The following MBP variants were observed in gnomAD, a reference collection of about 807,000 sequenced individuals.
MBP encodes Golli-MBP.
A neutral mutation model predicts 35.8 loss-of-function variants in MBP; 16 were observed. The observed-to-expected ratio is 0.45, with a 90% CI of 0.30 to 0.68. The LOEUF is 0.68. Ranked by LOEUF, MBP falls within the 30% of genes least tolerant of loss-of-function variation. MBP has a pLI of 0.08. For missense variants in MBP, 380 were observed against 404.7 expected (o/e 0.94, Z 0.52); for synonymous variants, 143 against 159.6 (o/e 0.90, Z 0.78).
chr18:77,014,080 AAC>A (rs764628933), intron 4 of MBP: 392 of 985,368 alleles, frequency 4.0e-4, no homozygotes, highest in Non-Finnish European at 4.6e-4. Flanking sequence ...TAAAGGCAAC[AAC>A]AGTCCTTTCT....
At chr18:77,114,702 G>A (rs757569905) in intron 1 of MBP, 3 of 152,330 alleles carry the variant, frequency 2.0e-5, no homozygotes, top group Non-Finnish European at 4.4e-5. Flanking sequence ...GCAGGCACAC[G>A]TGACACGCCC....
At chr18:77,015,837 C>T in intron 4 of MBP, 1 of 985,424 alleles carries the variant, frequency 1.0e-6, no homozygotes, top group Non-Finnish European at 1.2e-6. Context: ...GCGCTCTGTT[C>T]CACACTTTAT....
chr18:76,999,256 G>A (rs1379017182), intron 4 of MBP, among the ~76,000 whole-genome samples: 1 of 152,108 alleles, frequency 6.6e-6, no homozygotes, highest in African/African-American at 2.4e-5. Flanking sequence ...CGCTGAAGCG[G>A]GTGGCGCACC....
At chr18:77,072,404 C>T (rs973598824) in intron 2 of MBP, among the ~76,000 whole-genome samples, 5 of 152,118 alleles carry the variant, frequency 3.3e-5, no homozygotes, top group Admixed American at 1.3e-4. Context: ...AACACATGTA[C>T]GTCGTATCAA....
rs527679478 is a variant in MBP, at chr18:77,129,571, G to A, written c.-26+3009C>T. Among the ~76,000 whole-genome samples, 39 of 152,340 alleles carry A rather than the reference G, an allele frequency of 2.6e-4. No homozygotes were observed. In the South Asian group the frequency reaches 8.1e-3, roughly 32 times the overall value. On this transcript the variant is annotated intron_variant, in intron 1 of 8. Coordinates refer to ENST00000355994, the MANE Select transcript of MBP (RefSeq NM_001025101.2). Reference sequence around the variant, plus strand: ...TTTTGACAGAGATTTAAAATCTCCTGTAGAGACTATTCCAGCTACTCGCCT... The same window carrying A: ...TTTTGACAGAGATTTAAAATCTCCTATAGAGACTATTCCAGCTACTCGCCT...
intron 4 of MBP, among the ~76,000 whole-genome samples, chr18:76,995,490 C>T (rs1015842852): frequency 6.6e-5 from 10 of 152,128 alleles, no homozygotes; most frequent in African/African-American, 2.4e-4. Flanking sequence ...AGGACAGGCA[C>T]CTAGATTAAT....
chr18:77,131,214 C>A lies in MBP; in HGVS notation c.-26+1366G>T, dbSNP rs971388517. ...CCGTGACCACAGCCCCGGCCCCAAC[C>A]GCTAAGGAGGTGCTCATCACTGGAG... On this transcript the variant is annotated intron_variant, in intron 1 of 8. Transcript: ENST00000355994. This position sits in a 1 kb window ranked among gnomAD's most constrained non-coding sequence, Gnocchi z 5.5. Among the ~76,000 whole-genome samples, 1 of 152,096 alleles carries A rather than the reference C, an allele frequency of 6.6e-6. No homozygotes were observed. Among genetic ancestry groups the A allele is most frequent in the Admixed American group, 6.6e-5 (1 of 15,266 alleles).
At chr18:77,126,173 C>T (rs1299373582) in intron 1 of MBP, among the ~76,000 whole-genome samples, 1 of 152,076 alleles carries the variant, frequency 6.6e-6, no homozygotes, top group Non-Finnish European at 1.5e-5. Flanking sequence ...AAGTCCTCAA[C>T]AAAATATTAG....
chr18:76,991,755 C>T (rs470453), intron 4 of MBP, among the ~76,000 whole-genome samples: 27,787 of 152,050 alleles, frequency 0.18, 2,599 homozygotes, highest in East Asian at 0.34. Flanking sequence ...GCCCCGTCGA[C>T]ACAGAACGCA....
At chr18:76,985,741 C>T in intron 7 of MBP, 1 of 1,004,682 alleles carries the variant, frequency 1.0e-6, no homozygotes, top group Non-Finnish European at 1.2e-6. Context: ...GCAGGAACCT[C>T]TCTGAGCTTC....
intron 4 of MBP, among the ~76,000 whole-genome samples, chr18:76,994,406 A>T (rs542106201): frequency 2.6e-4 from 40 of 152,282 alleles, no homozygotes; most frequent in Middle Eastern, 3.4e-3. Flanking sequence ...TAAAGAAAAA[A>T]CTTAGGGTTA....
In MBP at chr18:77,017,140, G is replaced by C; in HGVS notation, c.268C>G (p.His90Asp). The change falls in exon 4 of 9, where the codon CAC (histidine) becomes GAC (aspartate). Residue 90 changes from histidine (H) to aspartate (D), a missense_variant. Coordinates refer to ENST00000355994, the MANE Select transcript of MBP (RefSeq NM_001025101.2). ...AHPADPGSRPHLIRLFSRDAP... is the reference protein window; with the variant it reads ...AHPADPGSRPDLIRLFSRDAP... ...TCTCGGGAAAAGAGGCGGATCAAGT[G>C]GGGGCGGCTCCCTGGGTCAGCTGGG... The C allele has an allele frequency of 6.4e-7, 1 of 1,573,494 alleles. No homozygotes were observed. The highest frequency in any genetic ancestry group is 1.2e-5 in the South Asian group (1 of 85,224).
intron 4 of MBP, chr18:77,016,545 T>A (rs1971650102): frequency 1.6e-6 from 2 of 1,277,120 alleles, no homozygotes; most frequent in African/African-American, 1.5e-5. Context: ...GCAACGCCCA[T>A]GTCCAGGCAC....
intron 4 of MBP, chr18:77,009,820 C>G (rs772990616): frequency 8.4e-6 from 13 of 1,550,056 alleles, no homozygotes; most frequent in African/African-American, 8.2e-5. Context: ...CCCCTGGCCC[C>G]GATGGGTGAG....
intron 3 of MBP, among the ~76,000 whole-genome samples, chr18:77,023,847 C>A (rs529712347): frequency 2.0e-5 from 3 of 152,336 alleles, no homozygotes; most frequent in East Asian, 3.9e-4. Context: ...CTCTTCTAAT[C>A]GCCTCATATT....
At chr18:77,084,421 CCA>C (rs1568331710) in intron 2 of MBP, among the ~76,000 whole-genome samples, 1,092 of 31,870 alleles carry the variant, frequency 0.034, 78 homozygotes, top group Middle Eastern at 0.057. Flanking sequence ...GCCCCCCCCG[CCA>C]CACCACACCA....
At chr18:77,068,035 G>A (rs1974273366) in intron 2 of MBP, among the ~76,000 whole-genome samples, 1 of 151,874 alleles carries the variant, frequency 6.6e-6, no homozygotes, top group Non-Finnish European at 1.5e-5. Context: ...GTGTGTGTGT[G>A]TGTTTGTGTG....
At chr18:77,092,304 G>A (rs532091626) in intron 2 of MBP, among the ~76,000 whole-genome samples, 18 of 152,326 alleles carry the variant, frequency 1.2e-4, no homozygotes, top group African/African-American at 4.3e-4. Flanking sequence ...GTCCCTCGCG[G>A]GGGCATCTGC....
chr18:77,027,967 A>C (rs540388177), intron 3 of MBP, among the ~76,000 whole-genome samples: 1 of 149,634 alleles, frequency 6.7e-6, no homozygotes, highest in African/African-American at 2.5e-5. Flanking sequence ...GGCATGAGCC[A>C]CTGCCCCAGC....
Sources: gnomAD v4.1 joint callset for allele counts (sites outside exome capture counted in the v4.1 genomes callset) on GRCh38, gnomAD v4.1.1 for gene constraint, Gnocchi (gnomAD v3.1) non-coding constraint, MANE v1.5 for transcripts, NCBI Gene and HGNC (gene_info 2026-07-23, HGNC 2026-07-21) for gene names.